Variants in KIAA1328 observed in about 807,000 individuals in gnomAD.
The protein encoded by KIAA1328 is KIAA1328, also known as protein hinderin.
In KIAA1328, 52 loss-of-function variants were observed where a neutral mutation model predicts 68.1. The observed-to-expected ratio is 0.76, with a 90% confidence interval of 0.61 to 0.96. KIAA1328 has a LOEUF of 0.96. Among genes scored for constraint, KIAA1328 ranks in the 40% least tolerant of loss-of-function variants. The pLI, the probability that KIAA1328 is intolerant of heterozygous loss-of-function variation, is 0.00. For synonymous variants in KIAA1328, 232 were observed against 239.4 expected (o/e 0.97, Z 0.28); for missense variants, 641 against 677.6 (o/e 0.95, Z 0.60).
intron 7 of KIAA1328, among the ~76,000 whole-genome samples, chr18:37,083,710 G>A (rs528387700): frequency 1.3e-5 from 2 of 152,326 alleles, no homozygotes; most frequent in South Asian, 4.1e-4. Context: ...AGTATGAGAA[G>A]TGGGTGCTTC....
chr18:36,853,823 T>A (rs551685823), intron 4 of KIAA1328, among the ~76,000 whole-genome samples: 1 of 151,952 alleles, frequency 6.6e-6, no homozygotes, highest in Non-Finnish European at 1.5e-5. Flanking sequence ...GCCCAGCTAA[T>A]TTTTTTGTAT....
At position 37,224,215 on chromosome 18, in the gene KIAA1328, TCC is replaced by T. The variant is rs2154227050; in HGVS notation, c.*1989_*1990del. On this transcript the variant is annotated 3_prime_UTR_variant, in exon 10 of 10. Coordinates refer to ENST00000280020, the MANE Select transcript of KIAA1328 (RefSeq NM_020776.3). ...CAGTCACCCATTCCAGACTCCAGTG[TCC>T]TTAAAACTCTGGAGTGAGAGGATGC... The T allele has an allele frequency of 1.0e-6, 1 of 985,438 alleles. No individual in the cohort carries two copies. Among genetic ancestry groups the T allele is most frequent in the East Asian group, 1.1e-4 (1 of 8,808 alleles). The allele number at this position is 985,438 out of a possible 1,614,324, so 61.0% of individuals were successfully genotyped here. A position where few individuals can be genotyped will look rare whatever the true frequency, so the allele number is the denominator to read the frequency against.
At chr18:36,963,460 G>A (rs1013560746) in intron 6 of KIAA1328, among the ~76,000 whole-genome samples, 3 of 152,180 alleles carry the variant, frequency 2.0e-5, no homozygotes, top group Non-Finnish European at 4.4e-5. Flanking sequence ...AGAGCTGATA[G>A]TGAAGAAATA....
intron 4 of KIAA1328, among the ~76,000 whole-genome samples, chr18:36,869,501 G>T (rs1382294943): frequency 6.6e-6 from 1 of 152,052 alleles, no homozygotes; most frequent in Non-Finnish European, 1.5e-5. Flanking sequence ...GACCTTGCTA[G>T]ATCTACTCAG....
chr18:37,144,294 T>C (rs1267770426), intron 7 of KIAA1328, among the ~76,000 whole-genome samples: 1 of 152,156 alleles, frequency 6.6e-6, no homozygotes, highest in Non-Finnish European at 1.5e-5. Flanking sequence ...TCTCCTTTTC[T>C]TAGTTTGTCT....
intron 5 of KIAA1328, among the ~76,000 whole-genome samples, chr18:36,943,057 TTATG>T (rs2050769692): frequency 6.6e-6 from 1 of 152,142 alleles, no homozygotes; most frequent in African/African-American, 2.4e-5. Flanking sequence ...TCAGACATCT[TTATG>T]TAAAACACTT....
At chr18:37,179,992 G>A (rs2059667728) in intron 9 of KIAA1328, among the ~76,000 whole-genome samples, 1 of 150,324 alleles carries the variant, frequency 6.7e-6, no homozygotes, top group African/African-American at 2.4e-5. Context: ...CTGCTTGATT[G>A]TAACAGTGAT....
intron 9 of KIAA1328, 103 bp downstream of exon 9, chr18:37,173,184 T>C: frequency 1.2e-6 from 1 of 841,332 alleles, no homozygotes. Context: ...CTCTTAGTAA[T>C]TCTTTCTCAA....
chr18:36,917,666 G>T (rs1309606875), intron 5 of KIAA1328, among the ~76,000 whole-genome samples: 1 of 152,174 alleles, frequency 6.6e-6, no homozygotes, highest in African/African-American at 2.4e-5. Flanking sequence ...GTATGTATAT[G>T]CCAGACAGAG....
intron 7 of KIAA1328, among the ~76,000 whole-genome samples, chr18:37,139,999 G>A (rs567286140): frequency 1.3e-5 from 2 of 152,258 alleles, no homozygotes; most frequent in Admixed American, 6.5e-5. Flanking sequence ...CAGAGGGTAG[G>A]AGGTAAAACT....
chr18:37,180,923 T>C (rs189471190), intron 9 of KIAA1328, among the ~76,000 whole-genome samples: 8 of 152,166 alleles, frequency 5.3e-5, no homozygotes, highest in Admixed American at 5.2e-4. Context: ...AGGTATTACA[T>C]TGGGCATATA....
intron 4 of KIAA1328, among the ~76,000 whole-genome samples, chr18:36,860,531 G>A (rs1278412029): frequency 1.3e-5 from 2 of 152,008 alleles, no homozygotes; most frequent in African/African-American, 2.4e-5. Context: ...AATCACAGTC[G>A]TTGAATATTA....
chr18:37,069,026 A>C (rs990954697), intron 7 of KIAA1328, among the ~76,000 whole-genome samples: 2 of 152,102 alleles, frequency 1.3e-5, no homozygotes, highest in Non-Finnish European at 2.9e-5. Flanking sequence ...GATTATATAA[A>C]GTTTTATCAT....
intron 7 of KIAA1328, among the ~76,000 whole-genome samples, chr18:37,097,702 A>T (rs1482919802): frequency 1.3e-5 from 2 of 152,238 alleles, no homozygotes; most frequent in Non-Finnish European, 1.5e-5. Context: ...CTTCCTACCC[A>T]TGAGCATGGA....
chr18:36,969,732 T>C (rs1044084435), intron 6 of KIAA1328, among the ~76,000 whole-genome samples: 1 of 152,180 alleles, frequency 6.6e-6, no homozygotes, highest in Non-Finnish European at 1.5e-5. Context: ...GCATTCCTAC[T>C]GAAACGATTC....
intron 4 of KIAA1328, among the ~76,000 whole-genome samples, chr18:36,850,910 T>C (rs138824917): frequency 6.6e-6 from 1 of 152,288 alleles, no homozygotes; most frequent in East Asian, 1.9e-4. Flanking sequence ...GTGGGAAAAC[T>C]CTCAGTTTTT....
intron 7 of KIAA1328, among the ~76,000 whole-genome samples, chr18:37,117,335 C>A (rs1023334756): frequency 6.6e-6 from 1 of 152,308 alleles, no homozygotes; most frequent in African/African-American, 2.4e-5. Flanking sequence ...GAGTTCATGT[C>A]ATTTGTGGGA....
chr18:37,151,037 A>G (rs2059017530), intron 7 of KIAA1328, among the ~76,000 whole-genome samples: 1 of 152,186 alleles, frequency 6.6e-6, no homozygotes, highest in Non-Finnish European at 1.5e-5. Flanking sequence ...GTATACATGG[A>G]AAAATACTAA....
chr18:36,912,693 TGC>T (rs2049503840), intron 5 of KIAA1328, among the ~76,000 whole-genome samples: 1 of 152,132 alleles, frequency 6.6e-6, no homozygotes, highest in African/African-American at 2.4e-5. Context: ...GCATTCCCAT[TGC>T]AGCATCATTT....
Sources: gnomAD v4.1 joint callset for allele counts (sites outside exome capture counted in the v4.1 genomes callset) on GRCh38, gnomAD v4.1.1 for gene constraint, MANE v1.5 for transcripts, NCBI Gene and HGNC (gene_info 2026-07-23, HGNC 2026-07-21) for gene names.